Variants in RFX3 observed in about 807,000 individuals in gnomAD.
The protein encoded by RFX3 is regulatory factor X3, also known as transcription factor RFX3.
A neutral mutation model predicts 98.6 loss-of-function variants in RFX3; 14 were observed. That is an observed-to-expected ratio of 0.14 (90% CI 0.09 to 0.22). RFX3 has a LOEUF of 0.22. Ranked by LOEUF, RFX3 falls within the 10% of genes least tolerant of loss-of-function variation. The pLI, the probability that RFX3 is intolerant of heterozygous loss-of-function variation, is 1.00. For missense variants in RFX3, 639 were observed against 926.9 expected (o/e 0.69, Z 4.03); for synonymous variants, 383 against 328.4 (o/e 1.17, Z -1.80).
intron 1 of RFX3, among the ~76,000 whole-genome samples, chr9:3,419,806 T>C (rs906872392): frequency 1.3e-5 from 2 of 152,244 alleles, no homozygotes; most frequent in African/African-American, 4.8e-5. Context: ...GGGGTACATA[T>C]GAAACTTTGT....
At chr9:3,514,939 T>C (rs1205229689) in intron 1 of RFX3, among the ~76,000 whole-genome samples, 3 of 152,200 alleles carry the variant, frequency 2.0e-5, no homozygotes, top group African/African-American at 7.2e-5. Flanking sequence ...TGTTTTTTAT[T>C]AATGACCCTT....
chr9:3,441,313 G>A (rs1034948348), intron 1 of RFX3, among the ~76,000 whole-genome samples: 1 of 151,534 alleles, frequency 6.6e-6, no homozygotes, highest in Admixed American at 6.6e-5. Flanking sequence ...AGAATTGAGA[G>A]AGAGAGAGAG....
At chr9:3,422,466 C>G (rs1843539007) in intron 1 of RFX3, among the ~76,000 whole-genome samples, 1 of 151,972 alleles carries the variant, frequency 6.6e-6, no homozygotes, top group Non-Finnish European at 1.5e-5. Context: ...CCCAACCTTA[C>G]AAGATTATTT....
rs546401735 is a variant in RFX3, at chr9:3,219,372, C to T, written c.*5670G>A. 6 of 151,532 alleles carry T rather than the reference C, an allele frequency of 4.0e-5. No homozygotes were observed. The South Asian group carries it at 8.3e-4, about 21-fold the overall frequency. 9.4% of individuals were successfully genotyped at this position (151,532 alleles called of 1,614,324 possible). On this transcript the variant is annotated 3_prime_UTR_variant, in exon 17 of 17. Coordinates refer to ENST00000617270, the MANE Select transcript of RFX3 (RefSeq NM_001282116.2). ...TCTTCTAAAGAATATTTGTTGTCCTCGTTATTGAGCTACATAAACAATTCT... is the reference window on the plus strand; with the variant it reads ...TCTTCTAAAGAATATTTGTTGTCCTTGTTATTGAGCTACATAAACAATTCT...
In RFX3 at chr9:3,220,349, A is replaced by G. The variant is rs1035541113; in HGVS notation, c.*4693T>C. The G allele has an allele frequency of 6.6e-6, 1 of 152,068 alleles. No individual in the cohort carries two copies. The highest frequency in any genetic ancestry group is 2.1e-4 in the South Asian group (1 of 4,822). The allele number at this position is 152,068 out of a possible 1,614,324, so 9.4% of individuals were successfully genotyped here. On this transcript the variant is annotated 3_prime_UTR_variant, in exon 17 of 17. Transcript: ENST00000617270. Reference sequence around the variant, plus strand: ...ATTCATTTTGGGAAAAAAAAGACAAAAAAAAAAGAAACTTAACCCTTTCTT... The same window carrying G: ...ATTCATTTTGGGAAAAAAAAGACAAGAAAAAAAGAAACTTAACCCTTTCTT...
At chr9:3,292,011 C>G (rs748799243) in intron 6 of RFX3, among the ~76,000 whole-genome samples, 3 of 120,194 alleles carry the variant, frequency 2.5e-5, no homozygotes, top group Admixed American at 1.1e-4. Flanking sequence ...GAGCTGAGAT[C>G]GTGCCACTGC....
intron 2 of RFX3, among the ~76,000 whole-genome samples, chr9:3,366,497 T>G (rs1837089075): frequency 6.6e-6 from 1 of 152,212 alleles, no homozygotes; most frequent in Non-Finnish European, 1.5e-5. Context: ...AGTTTTCATT[T>G]ATACAGTGAT....
chr9:3,517,814 AG>A (rs1395103905), intron 1 of RFX3, among the ~76,000 whole-genome samples: 1 of 152,212 alleles, frequency 6.6e-6, no homozygotes, highest in Non-Finnish European at 1.5e-5. Flanking sequence ...CCAAGAGGAC[AG>A]TCAGATGAGT....
chr9:3,357,226 T>A (rs956628995), intron 2 of RFX3, among the ~76,000 whole-genome samples: 1 of 151,954 alleles, frequency 6.6e-6, no homozygotes, highest in African/African-American at 2.4e-5. Flanking sequence ...ATGTAAACCT[T>A]GATGGATATT....
intron 3 of RFX3, among the ~76,000 whole-genome samples, chr9:3,340,238 A>T (rs920332949): frequency 6.6e-6 from 1 of 152,220 alleles, no homozygotes; most frequent in African/African-American, 2.4e-5. Context: ...CTTACACCTT[A>T]TGCAAAAATT....
intron 4 of RFX3, among the ~76,000 whole-genome samples, chr9:3,323,653 T>C (rs1831558231): frequency 6.6e-6 from 1 of 152,210 alleles, no homozygotes; most frequent in East Asian, 1.9e-4. Context: ...TAGCTTTTTC[T>C]GGCATGTTAC....
chr9:3,430,153 T>A (rs1038567429), intron 1 of RFX3, among the ~76,000 whole-genome samples: 1 of 152,184 alleles, frequency 6.6e-6, no homozygotes, highest in Admixed American at 6.5e-5. Context: ...TGTAAGAGAA[T>A]AAAATGATGT....
chr9:3,418,337 A>G (rs539037588), intron 1 of RFX3, among the ~76,000 whole-genome samples: 1 of 152,286 alleles, frequency 6.6e-6, no homozygotes, highest in African/African-American at 2.4e-5. Flanking sequence ...TAAATGGTAA[A>G]CATTATTACA....
At position 3,418,114 on chromosome 9, in the gene RFX3, C is replaced by T. The variant is rs1406247233; in HGVS notation, c.-8-22518G>A. The stretch of plus-strand genomic sequence containing the variant: ...AGTGCTGAATTCTCTATCCACATTG[C>T]TTAAATTCATAATCTAGCTTTACCA... On this transcript the variant is annotated intron_variant, in intron 1 of 16. Coordinates refer to ENST00000617270, the MANE Select transcript of RFX3 (RefSeq NM_001282116.2). 2.0e-5 allele frequency among the ~76,000 whole-genome samples: 3 copies of T among 152,238 alleles called. No homozygotes were observed. The East Asian group carries it at 5.8e-4, about 29-fold the overall frequency.
intron 7 of RFX3, among the ~76,000 whole-genome samples, chr9:3,278,785 C>G (rs1160995439): frequency 6.6e-6 from 1 of 151,794 alleles, no homozygotes; most frequent in African/African-American, 2.4e-5. Context: ...TCTTATGTGA[C>G]AGTATCTTAC....
At chr9:3,463,518 A>G (rs1564133215) in intron 1 of RFX3, among the ~76,000 whole-genome samples, 1 of 152,126 alleles carries the variant, frequency 6.6e-6, no homozygotes, top group Non-Finnish European at 1.5e-5. Context: ...AAAATTAAAG[A>G]CTTATTCTTT....
At chr9:3,426,223 T>C (rs1844011638) in intron 1 of RFX3, among the ~76,000 whole-genome samples, 1 of 152,010 alleles carries the variant, frequency 6.6e-6, no homozygotes, top group South Asian at 2.1e-4. Context: ...GAGTGATTTT[T>C]TTAACTGACG....
At chr9:3,457,778 G>A (rs1428889025) in intron 1 of RFX3, among the ~76,000 whole-genome samples, 1 of 151,882 alleles carries the variant, frequency 6.6e-6, no homozygotes, top group Non-Finnish European at 1.5e-5. Context: ...TTCATTCAAT[G>A]AATGTTTTAC....
intron 15 of RFX3, among the ~76,000 whole-genome samples, chr9:3,230,576 G>A (rs1299217837): frequency 6.6e-6 from 1 of 151,964 alleles, no homozygotes; most frequent in Non-Finnish European, 1.5e-5. Flanking sequence ...AAACCCAGAG[G>A]GATTCTTCAT....
Sources: gnomAD v4.1 joint callset for allele counts (sites outside exome capture counted in the v4.1 genomes callset) on GRCh38, gnomAD v4.1.1 for gene constraint, MANE v1.5 for transcripts, NCBI Gene and HGNC (gene_info 2026-07-23, HGNC 2026-07-21) for gene names.